TRPM6: variants seen among roughly 807,000 people sequenced by gnomAD.
The protein encoded by TRPM6 is transient receptor potential cation channel subfamily M member 6.
In TRPM6, 111 loss-of-function variants were observed where a neutral mutation model predicts 247.6. That is an observed-to-expected ratio of 0.45 (90% CI 0.38 to 0.52). The LOEUF is 0.52. Ranked by LOEUF, TRPM6 falls within the 20% of genes least tolerant of loss-of-function variation. The pLI, the probability that TRPM6 is intolerant of heterozygous loss-of-function variation, is 0.00. For missense variants in TRPM6, 2,126 were observed against 2,421.5 expected (o/e 0.88, Z 2.56); for synonymous variants, 892 against 853.8 (o/e 1.04, Z -0.78).
At chr9:74,787,249 T>G (rs1176984412) in intron 20 of TRPM6, among the ~76,000 whole-genome samples, 2 of 151,222 alleles carry the variant, frequency 1.3e-5, no homozygotes, top group Non-Finnish European at 2.9e-5. Flanking sequence ...GCAGGAGAAC[T>G]GCTTGAACCT....
Position 74,762,700 on chromosome 9 carries a change from C to A in TRPM6, c.3971G>T (p.Ser1324Ile), listed in dbSNP as rs1369493588. ...RNDQERQETQ[S>I]SIVVSGVSPN... ...AGACACCCCAGAAACCACTATACTA[C>A]TTTGTGTTTCTTGCCTTTCCTGGTC... The change falls in exon 26 of 39, where the codon AGT becomes ATT. Residue 1324 changes from serine to isoleucine, a missense_variant. Coordinates refer to ENST00000360774, the MANE Select transcript of TRPM6 (RefSeq NM_017662.5). The A allele has an allele frequency of 3.1e-6, 5 of 1,614,160 alleles. No individual in the cohort carries two copies. The highest frequency in any genetic ancestry group is 4.2e-6 in the Non-Finnish European group (5 of 1,180,028).
At chr9:74,790,409 G>A (rs1329021234) in intron 19 of TRPM6, among the ~76,000 whole-genome samples, 1 of 152,056 alleles carries the variant, frequency 6.6e-6, no homozygotes, top group African/African-American at 2.4e-5. Flanking sequence ...TTTTGTCATT[G>A]GTTTCAGCAT....
At chr9:74,836,696 G>A (rs1395120353) in intron 5 of TRPM6, among the ~76,000 whole-genome samples, 2 of 152,194 alleles carry the variant, frequency 1.3e-5, no homozygotes, top group Non-Finnish European at 2.9e-5. Flanking sequence ...GCTATGTAGA[G>A]AATAAGACTT....
chr9:74,728,879 T>G (rs1825425537), intron 37 of TRPM6, among the ~76,000 whole-genome samples: 1 of 152,210 alleles, frequency 6.6e-6, no homozygotes. Flanking sequence ...CCACTTGCTC[T>G]CCTGCAAACT....
rs150258562 is a variant in TRPM6 at position 74,814,809 on chromosome 9, T to C, written c.1308+1860A>G. Reference sequence around the variant, plus strand: ...ACTAAAAATACAAAAATTAGCCTGGTGTAGTGGCACACACCTGTGGTCCCA... The same window carrying C: ...ACTAAAAATACAAAAATTAGCCTGGCGTAGTGGCACACACCTGTGGTCCCA... On this transcript the variant is annotated intron_variant, in intron 11 of 38. Coordinates refer to ENST00000360774, the MANE Select transcript of TRPM6 (RefSeq NM_017662.5). Among the ~76,000 whole-genome samples the C allele has an allele frequency of 7.5e-3, 1,140 of 151,990 alleles. 20 individuals carry two copies. The highest frequency in any genetic ancestry group is 0.027 in the African/African-American group (1,104 of 41,458).
At position 74,739,916 on chromosome 9, in the gene TRPM6, G is replaced by T. The variant is rs374249128; in HGVS notation, c.5294C>A (p.Ala1765Glu). ...CTCTCGGGACAATACCTGGATCATT[G>T]CCGCTCTCCCACGCTGAGACCAAGA... ...MSSWSQRGRA[A>E]MIQVLSREEM... The change falls in exon 34 of 39, where the codon GCA (alanine) becomes GAA (glutamate). Residue 1765 changes from alanine (A) to glutamate (E), a missense_variant. Ala to Glu is a moderately radical substitution (Grantham distance 107). Around this residue, in one of 3 missense-constraint regions of TRPM6, gnomAD observed 327 missense variants for 397.7 expected, o/e 0.82. Coordinates refer to ENST00000360774, the MANE Select transcript of TRPM6 (RefSeq NM_017662.5). 4 of 1,614,070 alleles carry T rather than the reference G, an allele frequency of 2.5e-6. No individual in the cohort carries two copies. The highest frequency in any genetic ancestry group is 3.4e-6 in the Non-Finnish European group (4 of 1,180,016).
intron 1 of TRPM6, chr9:74,887,345 A>T: frequency 7.2e-7 from 1 of 1,391,156 alleles, no homozygotes; most frequent in East Asian, 2.6e-5. Context: ...CGCCTCGGAA[A>T]GCCGCGACCC....
chr9:74,732,803 A>T, intron 36 of TRPM6, 67 bp from the exon 37 acceptor site: 1 of 1,163,766 alleles, frequency 8.6e-7, no homozygotes, highest in South Asian at 1.3e-5. Flanking sequence ...TCAAGAAAAT[A>T]ATAATTAAAT....
intron 12 of TRPM6, among the ~76,000 whole-genome samples, chr9:74,811,201 A>G (rs1828717244): frequency 1.3e-5 from 2 of 152,230 alleles, no homozygotes; most frequent in Non-Finnish European, 2.9e-5. Context: ...ACAAATATTT[A>G]TTGAATACTT....
At chr9:74,858,400 A>AAACAAAAACAAAAG (rs1830593714) in intron 2 of TRPM6, among the ~76,000 whole-genome samples, 1 of 151,850 alleles carries the variant, frequency 6.6e-6, no homozygotes, top group Non-Finnish European at 1.5e-5. Context: ...AAAAACAAAA[A>AAACAAAAACAAAAG]CACAGATATT....
At chr9:74,808,414 C>T (rs761036778) in intron 13 of TRPM6, among the ~76,000 whole-genome samples, 2 of 152,104 alleles carry the variant, frequency 1.3e-5, no homozygotes, top group African/African-American at 2.4e-5. Context: ...TCCATCTATG[C>T]GTGCTCTCTC....
rs1825206937 is a variant in TRPM6, at chr9:74,723,508, A to G, written c.*1105T>C. On this transcript the variant is annotated 3_prime_UTR_variant, in exon 39 of 39. Coordinates refer to ENST00000360774, the MANE Select transcript of TRPM6 (RefSeq NM_017662.5). ...TTCATATTCTTGTTCTCGTTTAAAA[A>G]AAAAAAAAAAAAGGCCAGGCGCAGT... The G allele has an allele frequency of 6.6e-6, 1 of 151,314 alleles. No homozygotes were observed. Among genetic ancestry groups the G allele is most frequent in the South Asian group, 2.1e-4 (1 of 4,806 alleles). The allele number at this position is 151,314 out of a possible 1,614,324, so 9.4% of individuals were successfully genotyped here.
intron 31 of TRPM6, among the ~76,000 whole-genome samples, chr9:74,747,135 T>C (rs1326437009): frequency 1.3e-5 from 2 of 152,208 alleles, no homozygotes; most frequent in Non-Finnish European, 2.9e-5. Flanking sequence ...AGAAAAGTGA[T>C]GGGGCACACC....
At chr9:74,771,638 T>C in intron 25 of TRPM6, 65 bp downstream of exon 25, 3 of 1,521,940 alleles carry the variant, frequency 2.0e-6, no homozygotes, top group Non-Finnish European at 2.7e-6. Context: ...TCTACACCTT[T>C]AGATATTCTA....
At position 74,728,770 on chromosome 9, in the gene TRPM6, T is replaced by C. The variant is rs143919604; in HGVS notation, c.5829-425A>G. 7.0e-3 allele frequency among the ~76,000 whole-genome samples: 1,070 copies of C among 152,326 alleles called. 40 individuals are homozygous for C. Among genetic ancestry groups the C allele is most frequent in the Admixed American group, 0.061 (929 of 15,300 alleles). ...GGGACACGCCTTCTAAAACGATGCATAGACATTGTTTCAAACCCAAATACT... is the reference window on the plus strand; with the variant it reads ...GGGACACGCCTTCTAAAACGATGCACAGACATTGTTTCAAACCCAAATACT... On this transcript the variant is annotated intron_variant, in intron 37 of 38. Coordinates refer to ENST00000360774, the MANE Select transcript of TRPM6 (RefSeq NM_017662.5).
chr9:74,774,788 G>A (rs2118893466), intron 24 of TRPM6, among the ~76,000 whole-genome samples: 1 of 152,264 alleles, frequency 6.6e-6, no homozygotes. Context: ...CAAACATATT[G>A]CTATTTTCTG....
At chr9:74,747,938 G>T (rs1427783322) in intron 30 of TRPM6, 24 bp from the exon 31 acceptor site, 2 of 1,608,294 alleles carry the variant, frequency 1.2e-6, no homozygotes, top group Non-Finnish European at 1.7e-6. Flanking sequence ...AAATGAAGTT[G>T]TTTAGATAAT....
chr9:74,876,635 C>T (rs768749753), intron 1 of TRPM6, among the ~76,000 whole-genome samples: 4 of 152,206 alleles, frequency 2.6e-5, no homozygotes, highest in African/African-American at 7.2e-5. Context: ...ACTTTACTAT[C>T]GCTTACCCAC....
intron 38 of TRPM6, among the ~76,000 whole-genome samples, chr9:74,725,782 T>C (rs2118662134): frequency 6.6e-6 from 1 of 152,350 alleles, no homozygotes; most frequent in Non-Finnish European, 1.5e-5. Context: ...TTTAAATAAA[T>C]TGCCCAGTCT....
Sources: gnomAD v4.1 joint callset for allele counts (sites outside exome capture counted in the v4.1 genomes callset) on GRCh38, gnomAD v4.1.1 for gene constraint, gnomAD v4.1.1 regional missense constraint, MANE v1.5 for transcripts, NCBI Gene and HGNC (gene_info 2026-07-23, HGNC 2026-07-21) for gene names.